Variants in SNX29 observed in about 807,000 individuals in gnomAD.
SNX29 encodes sorting nexin-29.
A neutral mutation model predicts 102.1 loss-of-function variants in SNX29; 78 were observed. That is an observed-to-expected ratio of 0.76 (90% CI 0.64 to 0.92). The LOEUF (loss-of-function observed/expected upper bound fraction) is 0.92, where lower values mean the gene tolerates loss of function less well. Ranked by LOEUF, SNX29 falls within the 40% of genes least tolerant of loss-of-function variation. The probability of loss-of-function intolerance (pLI) is 0.00; values close to 1 mark genes in which losing one functional copy is unlikely to be tolerated. For missense variants in SNX29, 1,280 were observed against 1,061.7 expected (o/e 1.21, Z -2.86); for synonymous variants, 580 against 414.5 (o/e 1.40, Z -4.85).
At chr16:12,204,271 C>A (rs1326229887) in intron 14 of SNX29, among the ~76,000 whole-genome samples, 1 of 152,184 alleles carries the variant, frequency 6.6e-6, no homozygotes, top group Non-Finnish European at 1.5e-5. Flanking sequence ...GCCAGCCTCC[C>A]CTGCTCCTGT....
At chr16:12,567,264 G>A (rs756585872) in intron 20 of SNX29, among the ~76,000 whole-genome samples, 1 of 152,006 alleles carries the variant, frequency 6.6e-6, no homozygotes, top group Non-Finnish European at 1.5e-5. Context: ...TTCCCTTGTA[G>A]GGTCCAGTGG....
intron 14 of SNX29, among the ~76,000 whole-genome samples, chr16:12,203,636 T>G (rs1378460161): frequency 6.6e-6 from 1 of 152,250 alleles, no homozygotes; most frequent in Non-Finnish European, 1.5e-5. Context: ...TGGCTGCATG[T>G]TCAGCTGGGA....
chr16:12,558,878 T>G lies in SNX29; in HGVS notation c.2319-9628T>G, dbSNP rs559439477. ...CCACAGGCAGCCCATTTGCAGAAAA[T>G]GTGCCTGAGTTTGCTTCAGGGCCTG... On this transcript the variant is annotated intron_variant, in intron 20 of 20. Transcript: ENST00000566228. Among the ~76,000 whole-genome samples, 9 of 152,264 alleles carry G rather than the reference T, an allele frequency of 5.9e-5. No individual in the cohort carries two copies. In the South Asian group the frequency reaches 1.7e-3, roughly 28 times the overall value.
At chr16:12,130,308 C>G (rs2054405704) in intron 13 of SNX29, among the ~76,000 whole-genome samples, 1 of 151,232 alleles carries the variant, frequency 6.6e-6, no homozygotes, top group Non-Finnish European at 1.5e-5. Flanking sequence ...AACCCCGTCT[C>G]TACTAAAAAT....
intron 18 of SNX29, among the ~76,000 whole-genome samples, chr16:12,459,435 G>A (rs943548186): frequency 2.0e-5 from 3 of 152,098 alleles, no homozygotes; most frequent in Non-Finnish European, 4.4e-5. Context: ...GAGCTGGAGC[G>A]GGACCCATAG....
At chr16:12,441,681 T>C (rs573443465) in intron 18 of SNX29, among the ~76,000 whole-genome samples, 114 of 152,368 alleles carry the variant, frequency 7.5e-4, no homozygotes, top group African/African-American at 2.7e-3. Context: ...TGATATCATG[T>C]CTAAGAATCC....
rs114898912 is a variant in SNX29 at position 12,462,556 on chromosome 16, A to T, written c.2038-15163A>T. 7.5e-3 allele frequency among the ~76,000 whole-genome samples: 1,135 copies of T among 152,150 alleles called. 17 individuals are homozygous for T. Among genetic ancestry groups the T allele is most frequent in the African/African-American group, 0.026 (1,073 of 41,482 alleles). ...AAATAGCAGCCACTGTTAATGTTTT[A>T]ATTTGTATCCCAGTCTTATTTCTGG... On this transcript the variant is annotated intron_variant, in intron 18 of 20. Transcript: ENST00000566228.
intron 11 of SNX29, among the ~76,000 whole-genome samples, chr16:12,123,152 G>T (rs1348157099): frequency 1.3e-5 from 2 of 152,098 alleles, no homozygotes; most frequent in East Asian, 3.8e-4. Flanking sequence ...TTAACTATAT[G>T]ACAAAAATTG....
At chr16:12,543,931 C>G (rs1017911696) in intron 20 of SNX29, among the ~76,000 whole-genome samples, 1 of 152,152 alleles carries the variant, frequency 6.6e-6, no homozygotes, top group African/African-American at 2.4e-5. Flanking sequence ...ATCCGGCACC[C>G]TCTCGTTCTA....
intron 20 of SNX29, among the ~76,000 whole-genome samples, chr16:12,554,634 C>T (rs1567188105): frequency 6.6e-6 from 1 of 152,344 alleles, no homozygotes; most frequent in East Asian, 1.9e-4. Context: ...GCCTCAGTTT[C>T]CCCAGGTTTC....
At chr16:12,135,868 A>G in intron 13 of SNX29, 1 of 328,040 alleles carries the variant, frequency 3.0e-6, no homozygotes, top group South Asian at 3.0e-5. Flanking sequence ...TCAACAATCA[A>G]CCTGCCAGGT....
At chr16:12,342,401 A>G (rs1038811026) in intron 15 of SNX29, among the ~76,000 whole-genome samples, 1 of 152,226 alleles carries the variant, frequency 6.6e-6, no homozygotes, top group Admixed American at 6.5e-5. Context: ...AGGGGTGTTC[A>G]GAGCTGTGTA....
intron 20 of SNX29, among the ~76,000 whole-genome samples, chr16:12,531,113 C>A (rs1435654423): frequency 6.6e-6 from 1 of 152,186 alleles, no homozygotes; most frequent in Admixed American, 6.5e-5. Context: ...ATCACTAAAG[C>A]CCACCCTCTC....
intron 19 of SNX29, among the ~76,000 whole-genome samples, chr16:12,492,482 C>T (rs1457423016): frequency 6.6e-6 from 1 of 152,102 alleles, no homozygotes; most frequent in Non-Finnish European, 1.5e-5. Flanking sequence ...TTGCAGGTTG[C>T]CTGTTCACTC....
At chr16:12,075,187 C>T (rs1596783100) in intron 10 of SNX29, among the ~76,000 whole-genome samples, 1 of 152,226 alleles carries the variant, frequency 6.6e-6, no homozygotes, top group Non-Finnish European at 1.5e-5. Context: ...CTCCGTCCAG[C>T]TTTGTTCCGT....
At chr16:12,149,101 T>C (rs1254646420) in intron 13 of SNX29, among the ~76,000 whole-genome samples, 1 of 152,198 alleles carries the variant, frequency 6.6e-6, no homozygotes, top group African/African-American at 2.4e-5. Context: ...AATGAATAAA[T>C]GAGCATTTGT....
chr16:12,549,536 G>A (rs1164781065), intron 20 of SNX29, among the ~76,000 whole-genome samples: 3 of 152,162 alleles, frequency 2.0e-5, no homozygotes, highest in African/African-American at 7.2e-5. Context: ...ATCTCAAATA[G>A]CCAGTAAGGC....
chr16:12,001,231 C>T (rs990080690), intron 2 of SNX29, among the ~76,000 whole-genome samples: 1 of 152,044 alleles, frequency 6.6e-6, no homozygotes, highest in Non-Finnish European at 1.5e-5. Context: ...GCTGCCTCAG[C>T]CTCATGAGTA....
At chr16:12,539,312 C>G (rs1010213868) in intron 20 of SNX29, among the ~76,000 whole-genome samples, 2 of 152,086 alleles carry the variant, frequency 1.3e-5, no homozygotes, top group African/African-American at 4.8e-5. Flanking sequence ...GTCCCTCCCC[C>G]TCTAGTTTTG....
Sources: allele counts gnomAD v4.1 joint callset (sites outside exome capture counted in the v4.1 genomes callset), GRCh38; gene constraint gnomAD v4.1.1; transcripts MANE v1.5; gene names NCBI Gene and HGNC (gene_info 2026-07-23, HGNC 2026-07-21).